Variants in LTN1 observed in about 807,000 individuals in gnomAD.
LTN1 encodes E3 ubiquitin-protein ligase listerin.
A neutral mutation model predicts 201.2 loss-of-function variants in LTN1; 88 were observed. That is an observed-to-expected ratio of 0.44 (90% CI 0.37 to 0.52). The LOEUF (loss-of-function observed/expected upper bound fraction) is 0.52, where lower values mean the gene tolerates loss of function less well. Among genes scored for constraint, LTN1 ranks in the 20% least tolerant of loss-of-function variants. The pLI is 0.00. For synonymous variants in LTN1, 645 were observed against 713.5 expected (o/e 0.90, Z 1.53); for missense variants, 1,752 against 2,038.7 (o/e 0.86, Z 2.71).
rs778191377 is a variant in LTN1, at chr21:28,971,323, A to G, written c.932T>C (p.Ile311Thr). 6.2e-6 allele frequency: 10 copies of G among 1,613,972 alleles called. No homozygotes were observed. Among genetic ancestry groups the G allele is most frequent in the African/African-American group, 1.3e-5 (1 of 74,936 alleles). The stretch of plus-strand genomic sequence containing the variant: ...AGCTTCCCAGAGAGCTGGGCAGACA[A>G]TTGGGTCACTGTCATCAATGCTAAG... ...VLLSIDDSDP[I>T]VCPALWEAVL... is the part of the protein sequence containing the mutation. Residue 311 changes from isoleucine to threonine, a missense_variant, in exon 7 of 30, where the codon ATT (isoleucine) becomes ACT (threonine). Ile to Thr is a moderately conservative substitution (Grantham distance 89). Coordinates refer to ENST00000361371, the MANE Select transcript of LTN1 (RefSeq NM_015565.3).
intron 29 of LTN1, among the ~76,000 whole-genome samples, chr21:28,930,746 A>G (rs552161954): frequency 6.6e-6 from 1 of 152,208 alleles, no homozygotes; most frequent in Admixed American, 6.5e-5. Flanking sequence ...AAGATATAAG[A>G]AATCTCCTGT....
Position 28,987,492 on chromosome 21 carries a change from G to T in LTN1, c.43-558C>A, listed in dbSNP as rs1302458995. On this transcript the variant is annotated intron_variant, in intron 1 of 29. Coordinates refer to ENST00000361371, the MANE Select transcript of LTN1 (RefSeq NM_015565.3). ...TCTAGACTGAGAGTTCCTTGAGAGT[G>T]GATACACTCATTTCCACACACTCCA... Among the ~76,000 whole-genome samples, 3 of 152,192 alleles carry T rather than the reference G, an allele frequency of 2.0e-5. No homozygotes were observed. The East Asian group carries it at 5.8e-4, about 29-fold the overall frequency.
intron 5 of LTN1, among the ~76,000 whole-genome samples, chr21:28,982,094 A>G (rs1026771776): frequency 2.6e-5 from 4 of 152,090 alleles, no homozygotes; most frequent in Non-Finnish European, 5.9e-5. Context: ...GTGCATGCCT[A>G]TAATCCCAGC....
chr21:28,944,098 A>G (rs1421297376), intron 22 of LTN1, among the ~76,000 whole-genome samples, 194 bp from the exon 23 acceptor site: 1 of 152,208 alleles, frequency 6.6e-6, no homozygotes, highest in African/African-American at 2.4e-5. Context: ...CTTTTATCTG[A>G]TCCAGCAAAT....
intron 1 of LTN1, 110 bp from the exon 2 acceptor site, chr21:28,987,044 C>CT: frequency 1.4e-6 from 1 of 690,028 alleles, no homozygotes; most frequent in Non-Finnish European, 2.4e-6. Flanking sequence ...ATTTTATTTT[C>CT]TTTTTTCCTA....
chr21:28,952,418 G>A (rs927094184), intron 17 of LTN1, among the ~76,000 whole-genome samples, 154 bp from the exon 18 acceptor site: 4 of 152,226 alleles, frequency 2.6e-5, no homozygotes, highest in Non-Finnish European at 5.9e-5. Flanking sequence ...GCAACTGCCA[G>A]TAATTATCCA....
chr21:28,973,540 A>G (rs1027057647), intron 6 of LTN1, among the ~76,000 whole-genome samples: 1 of 152,104 alleles, frequency 6.6e-6, no homozygotes, highest in African/African-American at 2.4e-5. Flanking sequence ...CAAAGTTAGC[A>G]AAGTATTTTA....
intron 25 of LTN1, among the ~76,000 whole-genome samples, chr21:28,940,839 G>C (rs1601167341): frequency 6.6e-6 from 1 of 152,286 alleles, no homozygotes; most frequent in Non-Finnish European, 1.5e-5. Context: ...TGTAATCCCA[G>C]CATTTTGGGA....
chr21:28,945,752 T>C, intron 21 of LTN1, 55 bp downstream of exon 21: 1 of 1,510,862 alleles, frequency 6.6e-7, no homozygotes, highest in Non-Finnish European at 9.0e-7. Context: ...ATAGTTCTGA[T>C]GCAAAAGTAT....
chr21:28,950,991 A>T (rs2084377591), intron 18 of LTN1, among the ~76,000 whole-genome samples: 1 of 152,158 alleles, frequency 6.6e-6, no homozygotes, highest in Admixed American at 6.6e-5. Flanking sequence ...GTGGTCACAG[A>T]TGTGAGCTAC....
Position 28,959,582 on chromosome 21 carries a change from G to A in LTN1, c.2469C>T (p.Ile823=). The A allele has an allele frequency of 6.2e-7, 1 of 1,613,982 alleles. No homozygotes were observed. Among genetic ancestry groups the A allele is most frequent in the Non-Finnish European group, 8.5e-7 (1 of 1,179,948 alleles). The change falls in exon 13 of 30, where the codon ATC becomes ATT. Residue 823 remains isoleucine (I), a synonymous_variant. Coordinates refer to ENST00000361371, the MANE Select transcript of LTN1 (RefSeq NM_015565.3). Reference sequence around the variant, plus strand: ...TGAAATAGTTATAGGCCACATCACAGATAAAAGACACTGATGAGTCACTGC... The same window carrying A: ...TGAAATAGTTATAGGCCACATCACAAATAAAAGACACTGATGAGTCACTGC... ...AESSDSSVSF[I]CDVAYNYFSS...
intron 9 of LTN1, 148 bp from the exon 10 acceptor site, chr21:28,967,327 C>G (rs1601197804): frequency 1.6e-6 from 1 of 638,488 alleles, no homozygotes; most frequent in Non-Finnish European, 2.7e-6. Flanking sequence ...ACCTGTATAG[C>G]AGGATGGGGG....
intron 1 of LTN1, among the ~76,000 whole-genome samples, chr21:28,992,404 CT>C (rs1049071111): frequency 1.3e-5 from 2 of 152,202 alleles, no homozygotes; most frequent in African/African-American, 4.8e-5. Flanking sequence ...AGTGGATTCA[CT>C]TTAACATTCT....
intron 16 of LTN1, among the ~76,000 whole-genome samples, chr21:28,955,002 G>A (rs1375645547): frequency 1.3e-5 from 2 of 152,098 alleles, no homozygotes; most frequent in Non-Finnish European, 2.9e-5. Context: ...ACAATCTGTA[G>A]AATGGGAGAA....
At chr21:28,969,293 G>C (rs764099355) in intron 9 of LTN1, among the ~76,000 whole-genome samples, 173 bp downstream of exon 9, 1 of 152,052 alleles carries the variant, frequency 6.6e-6, no homozygotes, top group Non-Finnish European at 1.5e-5. Context: ...TAGCAACTGA[G>C]AGTATGGAAT....
At chr21:28,989,359 T>C (rs1448679986) in intron 1 of LTN1, among the ~76,000 whole-genome samples, 1 of 152,212 alleles carries the variant, frequency 6.6e-6, no homozygotes, top group African/African-American at 2.4e-5. Context: ...CTATCTTTTT[T>C]TAATGTCTAC....
Position 28,936,602 on chromosome 21 carries a change from ATAG to A in LTN1, c.4575_4577del (p.Tyr1526del). 2 of 1,614,008 alleles carry A rather than the reference ATAG, an allele frequency of 1.2e-6. No homozygotes were observed. The highest frequency in any genetic ancestry group is 3.3e-5 in the Admixed American group (2 of 60,024). On this transcript the variant is annotated inframe_deletion, in exon 26 of 30. Transcript: ENST00000361371. ...TTGGGACCTCAACTGCTGTCTCTGC[ATAG>A]GTTGGATTTTCTGGCATAAGCCTGA...
chr21:28,944,205 A>C (rs1169587068), intron 22 of LTN1, among the ~76,000 whole-genome samples, 178 bp downstream of exon 22: 1 of 152,152 alleles, frequency 6.6e-6, no homozygotes. Context: ...GCCATTTTTC[A>C]ATTTCTGTCT....
chr21:28,943,642 T>G lies in LTN1; in HGVS notation c.4220+25A>C, dbSNP rs374803812. On this transcript the variant is annotated intron_variant, in intron 23 of 29. Coordinates refer to ENST00000361371, the MANE Select transcript of LTN1 (RefSeq NM_015565.3). Reference sequence around the variant, plus strand: ...TCTATTTTTTTAGACCACTGTAACATTGATTCAATTGGATGAATTCTTACT... The same window carrying G: ...TCTATTTTTTTAGACCACTGTAACAGTGATTCAATTGGATGAATTCTTACT... 2.7e-6 allele frequency: 4 copies of G among 1,481,032 alleles called. No homozygotes were observed. In the Admixed American group the frequency reaches 6.7e-5, roughly 25 times the overall value. The allele number at this position is 1,481,032 out of a possible 1,614,324, so 91.7% of individuals were successfully genotyped here. A position where few individuals can be genotyped will look rare whatever the true frequency, so the allele number is the denominator to read the frequency against.
Sources: allele counts gnomAD v4.1 joint callset (sites outside exome capture counted in the v4.1 genomes callset), GRCh38; gene constraint gnomAD v4.1.1; transcripts MANE v1.5; gene names NCBI Gene and HGNC (gene_info 2026-07-23, HGNC 2026-07-21).